CLEC2L: variants seen among roughly 807,000 people sequenced by gnomAD.
CLEC2L encodes C-type lectin domain family 2 member L, also known as C-type lectin domain family 2, member L.
In CLEC2L, 14 loss-of-function variants were observed where a neutral mutation model predicts 23.6. The ratio of observed to expected loss-of-function variants is 0.59; its 90% CI spans 0.39 to 0.93. CLEC2L has a LOEUF of 0.93. CLEC2L is among the 40% of genes least tolerant of loss of function. The pLI, the probability that CLEC2L is intolerant of heterozygous loss-of-function variation, is 0.00. For missense variants in CLEC2L, 264 were observed against 282.4 expected (o/e 0.93, Z 0.47); for synonymous variants, 114 against 121.3 (o/e 0.94, Z 0.40).
At chr7:139,542,532 G>C (rs779759845) in intron 4 of CLEC2L, among the ~76,000 whole-genome samples, 2 of 152,342 alleles carry the variant, frequency 1.3e-5, no homozygotes, top group African/African-American at 4.8e-5. Context: ...TCACATGGCC[G>C]CACCTGGCCG....
intron 2 of CLEC2L, among the ~76,000 whole-genome samples, chr7:139,537,458 G>C (rs1585201048): frequency 1.3e-5 from 2 of 152,340 alleles, no homozygotes; most frequent in South Asian, 4.1e-4. Flanking sequence ...TGAATTGAGG[G>C]AAGTGACTAG....
Position 139,540,089 on chromosome 7 carries a change from G to C in CLEC2L, c.266-232G>C. ...GAGACAGAGGAGATCCTAACCCAGG[G>C]GCTGCCCTGCTGTCACTTCCCGTCG... On this transcript the variant is annotated intron_variant, in intron 2 of 4. Transcript: ENST00000422142. The surrounding 1 kb of genome is among the most constrained non-coding windows in gnomAD (Gnocchi z 5.8). 3.8e-6 allele frequency: 2 copies of C among 523,830 alleles called. No homozygotes were observed. Among genetic ancestry groups the C allele is most frequent in the Non-Finnish European group, 3.4e-6 (1 of 291,264 alleles). 32.4% of individuals were successfully genotyped at this position (523,830 alleles called of 1,614,324 possible).
rs1797724820 is a variant in CLEC2L at position 139,540,954 on chromosome 7, G to C, written c.432+467G>C. On this transcript the variant is annotated intron_variant, in intron 3 of 4. Coordinates refer to ENST00000422142, the MANE Select transcript of CLEC2L (RefSeq NM_001080511.4). The surrounding 1 kb of genome is among the most constrained non-coding windows in gnomAD (Gnocchi z 5.8). ...TGCCTGTAGTCCCAGCTACTTAGGG[G>C]GCTGAGGCAGGAGGATCACAGGAGT... Among the ~76,000 whole-genome samples the C allele has an allele frequency of 6.6e-6, 1 of 152,098 alleles. No homozygotes were observed. The highest frequency in any genetic ancestry group is 2.4e-5 in the African/African-American group (1 of 41,402).
At chr7:139,525,040 G>A (rs954029002) in intron 1 of CLEC2L, among the ~76,000 whole-genome samples, 2 of 152,208 alleles carry the variant, frequency 1.3e-5, no homozygotes, top group African/African-American at 4.8e-5. Flanking sequence ...GGTGGTCAGA[G>A]CTACTCTGTG....
intron 2 of CLEC2L, among the ~76,000 whole-genome samples, chr7:139,538,832 C>T (rs1025152202): frequency 3.3e-5 from 5 of 152,206 alleles, no homozygotes; most frequent in Non-Finnish European, 5.9e-5. Context: ...GCTGGAGTAA[C>T]TCCTACAAAT....
chr7:139,540,142 A>G lies in CLEC2L; in HGVS notation c.266-179A>G, dbSNP rs796874837. 4.9e-6 allele frequency: 3 copies of G among 611,220 alleles called. No homozygotes were observed. Among genetic ancestry groups the G allele is most frequent in the African/African-American group, 3.7e-5 (2 of 54,000 alleles). The allele number at this position is 611,220 out of a possible 1,614,324, so 37.9% of individuals were successfully genotyped here. A position where few individuals can be genotyped will look rare whatever the true frequency, so the allele number is the denominator to read the frequency against. ...ATGATGCCCCTGCCAGGCTTCCCAC[A>G]GTCCCCTTTCTCATTCATTTAGTGG... On this transcript the variant is annotated intron_variant, in intron 2 of 4. Coordinates refer to ENST00000422142, the MANE Select transcript of CLEC2L (RefSeq NM_001080511.4). This position sits in a 1 kb window ranked among gnomAD's most constrained non-coding sequence, Gnocchi z 5.8.
In CLEC2L at chr7:139,542,084, T is replaced by G. The variant is rs375785038; in HGVS notation, c.496T>G (p.Phe166Val). The stretch of plus-strand genomic sequence containing the variant: ...TGGACTACGCAGAGTTGGGGACGAA[T>G]TCCACTGGGTCAACGGGGACCCGTT... ...WIGLRRVGDEFHWVNGDPFDP... is the reference protein window; with the variant it reads ...WIGLRRVGDEVHWVNGDPFDP... The change falls in exon 4 of 5, where the codon TTC becomes GTC. Residue 166 changes from phenylalanine (F) to valine (V), a missense_variant. Coordinates refer to ENST00000422142, the MANE Select transcript of CLEC2L (RefSeq NM_001080511.4). The G allele has an allele frequency of 4.3e-6, 7 of 1,612,918 alleles. No individual in the cohort carries two copies. Among genetic ancestry groups the G allele is most frequent in the Non-Finnish European group, 5.1e-6 (6 of 1,179,530 alleles).
At chr7:139,541,412 C>T (rs928661839) in intron 3 of CLEC2L, among the ~76,000 whole-genome samples, 4 of 152,212 alleles carry the variant, frequency 2.6e-5, no homozygotes, top group East Asian at 3.9e-4. Context: ...AATCAGGACA[C>T]GGTCTCTCAT....
chr7:139,528,698 A>G (rs183969060), intron 1 of CLEC2L, among the ~76,000 whole-genome samples: 20 of 152,340 alleles, frequency 1.3e-4, no homozygotes, highest in African/African-American at 4.8e-4. Flanking sequence ...GTTGAACGAC[A>G]TAAGACACAC....
intron 1 of CLEC2L, among the ~76,000 whole-genome samples, chr7:139,524,402 C>T (rs890903043): frequency 1.6e-4 from 24 of 152,372 alleles, no homozygotes; most frequent in Non-Finnish European, 3.2e-4. Flanking sequence ...GCCTTCGTCT[C>T]CTCACGCATG....
At position 139,544,590 on chromosome 7, in the gene CLEC2L, C is replaced by A; in HGVS notation, c.*248C>A. Reference sequence around the variant, plus strand: ...ATGCTAGGTAGTGTAGGCATCTGCCCACCTACACACACACACATGCATAGG... The same window carrying A: ...ATGCTAGGTAGTGTAGGCATCTGCCAACCTACACACACACACATGCATAGG... On this transcript the variant is annotated 3_prime_UTR_variant, in exon 5 of 5. Coordinates refer to ENST00000422142, the MANE Select transcript of CLEC2L (RefSeq NM_001080511.4). 1 of 539,198 alleles carries A rather than the reference C, an allele frequency of 1.9e-6. No individual in the cohort carries two copies. Among genetic ancestry groups the A allele is most frequent in the Non-Finnish European group, 3.3e-6 (1 of 298,580 alleles). The allele number at this position is 539,198 out of a possible 1,614,324, so 33.4% of individuals were successfully genotyped here. A position where few individuals can be genotyped will look rare whatever the true frequency, so the allele number is the denominator to read the frequency against.
In CLEC2L at chr7:139,523,875, G is replaced by A; in HGVS notation, c.-53G>A. On this transcript the variant is annotated 5_prime_UTR_variant, in exon 1 of 5. Transcript: ENST00000422142. This position sits in a 1 kb window ranked among gnomAD's most constrained non-coding sequence, Gnocchi z 4.1. ...CGGAGCGCCGAGTGCGCGTCGGGCTGGGCCCCGCACCCCGGTGCAGGAGCG... is the reference window on the plus strand; with the variant it reads ...CGGAGCGCCGAGTGCGCGTCGGGCTAGGCCCCGCACCCCGGTGCAGGAGCG... The A allele has an allele frequency of 1.0e-6, 1 of 975,702 alleles. No homozygotes were observed. Among genetic ancestry groups the A allele is most frequent in the African/African-American group, 1.8e-5 (1 of 56,666 alleles). 60.4% of individuals were successfully genotyped at this position (975,702 alleles called of 1,614,324 possible).
intron 1 of CLEC2L, among the ~76,000 whole-genome samples, chr7:139,531,402 C>G (rs78698812): frequency 1.3e-5 from 2 of 152,174 alleles, no homozygotes; most frequent in South Asian, 4.1e-4. Flanking sequence ...AAAATATAGT[C>G]ACAGAAATTA....
chr7:139,542,068 C>G lies in CLEC2L; in HGVS notation c.480C>G (p.Arg160=). The change falls in exon 4 of 5, where the codon CGC becomes CGG. Residue 160 remains arginine, a synonymous_variant. Coordinates refer to ENST00000422142, the MANE Select transcript of CLEC2L (RefSeq NM_001080511.4). The part of the protein sequence containing the change: ...FTRREPWIGL[R]RVGDEFHWVN... ...GGAGGGAGCCCTGGATTGGACTACGCAGAGTTGGGGACGAATTCCACTGGG... is the reference window on the plus strand; with the variant it reads ...GGAGGGAGCCCTGGATTGGACTACGGAGAGTTGGGGACGAATTCCACTGGG... 6.2e-7 allele frequency: 1 copy of G among 1,613,242 alleles called. No individual in the cohort carries two copies. Among genetic ancestry groups the G allele is most frequent in the Non-Finnish European group, 8.5e-7 (1 of 1,179,642 alleles).
chr7:139,542,927 G>T (rs1797758107), intron 4 of CLEC2L, among the ~76,000 whole-genome samples: 1 of 152,194 alleles, frequency 6.6e-6, no homozygotes, highest in South Asian at 2.1e-4. Context: ...CCGCAGAACA[G>T]ACCCTGTGGC....
intron 1 of CLEC2L, among the ~76,000 whole-genome samples, chr7:139,534,778 A>T (rs892963515): frequency 1.3e-5 from 2 of 150,946 alleles, no homozygotes; most frequent in Non-Finnish European, 3.0e-5. Context: ...AAACATTTTT[A>T]TGATGATTTA....
chr7:139,528,694 C>T (rs550103703), intron 1 of CLEC2L, among the ~76,000 whole-genome samples: 33 of 152,158 alleles, frequency 2.2e-4, no homozygotes, highest in East Asian at 3.9e-4. Context: ...CATAGTTGAA[C>T]GACATAAGAC....
chr7:139,538,443 A>C (rs897089156), intron 2 of CLEC2L, among the ~76,000 whole-genome samples: 16 of 145,722 alleles, frequency 1.1e-4, no homozygotes, highest in African/African-American at 3.7e-4. Context: ...AAAAAAAAAA[A>C]CAAAAAACAA....
In CLEC2L at chr7:139,538,501, C is replaced by A. The variant is rs546355637; in HGVS notation, c.266-1820C>A. Among the ~76,000 whole-genome samples, 3 of 151,450 alleles carry A rather than the reference C, an allele frequency of 2.0e-5. No homozygotes were observed. In the South Asian group the frequency reaches 6.3e-4, roughly 32 times the overall value. ...TGGTGGCTCACGCCTGTAATCCCAG[C>A]ACTTTGGGAGGTCCAGGTGGGTGGA... is the stretch of plus-strand genomic sequence containing the variant. On this transcript the variant is annotated intron_variant, in intron 2 of 4. Coordinates refer to ENST00000422142, the MANE Select transcript of CLEC2L (RefSeq NM_001080511.4).
Sources: allele counts gnomAD v4.1 joint callset (sites outside exome capture counted in the v4.1 genomes callset), GRCh38; gene constraint gnomAD v4.1.1; non-coding constraint Gnocchi (gnomAD v3.1); transcripts MANE v1.5; gene names NCBI Gene and HGNC (gene_info 2026-07-23, HGNC 2026-07-21).